JAM2: variants seen among roughly 807,000 people sequenced by gnomAD.
JAM2 encodes junctional adhesion molecule 2.
JAM2 carries 17 observed loss-of-function variants against 42.0 expected under a neutral mutation model. The ratio of observed to expected loss-of-function variants is 0.40; its 90% CI spans 0.28 to 0.61. The LOEUF (loss-of-function observed/expected upper bound fraction) is 0.61, where lower values mean the gene tolerates loss of function less well. JAM2 is among the 20% of genes least tolerant of loss of function. The pLI, the probability that JAM2 is intolerant of heterozygous loss-of-function variation, is 0.37. For missense variants in JAM2, 319 were observed against 358.3 expected, an observed-to-expected ratio of 0.89 and a Z score of 0.89; for synonymous variants, 118 against 128.6, an observed-to-expected ratio of 0.92 and a Z score of 0.56.
intron 1 of JAM2, among the ~76,000 whole-genome samples, chr21:25,662,376 C>T (rs1437489401): frequency 6.6e-6 from 1 of 151,852 alleles, no homozygotes; most frequent in Non-Finnish European, 1.5e-5. Context: ...TCTTGAAGCC[C>T]TGGGCTCAAA....
At chr21:25,656,365 G>A (rs1480080143) in intron 1 of JAM2, among the ~76,000 whole-genome samples, 4 of 152,112 alleles carry the variant, frequency 2.6e-5, no homozygotes, top group Non-Finnish European at 5.9e-5. Context: ...AAAATTGGCC[G>A]TAGTTTCTAA....
chr21:25,702,938 T>G (rs1002932400), intron 6 of JAM2, among the ~76,000 whole-genome samples: 2 of 152,106 alleles, frequency 1.3e-5, no homozygotes, highest in Non-Finnish European at 2.9e-5. Flanking sequence ...CTGCAACCTC[T>G]GCCTCCCAGG....
At chr21:25,665,659 G>T (rs984226881) in intron 1 of JAM2, among the ~76,000 whole-genome samples, 1 of 152,188 alleles carries the variant, frequency 6.6e-6, no homozygotes, top group Non-Finnish European at 1.5e-5. Flanking sequence ...CTGCTTGAGA[G>T]AAGTCAGTCT....
chr21:25,697,355 A>T (rs1050954286), intron 4 of JAM2, among the ~76,000 whole-genome samples: 1 of 152,172 alleles, frequency 6.6e-6, no homozygotes, highest in Non-Finnish European at 1.5e-5. Flanking sequence ...AAAAAAGTGT[A>T]TTTATACCAA....
At chr21:25,693,972 C>T (rs2033940799) in intron 4 of JAM2, 64 bp downstream of exon 4, 6 of 1,490,912 alleles carry the variant, frequency 4.0e-6, no homozygotes, top group Non-Finnish European at 4.6e-6. Context: ...GCCCTGGGGG[C>T]AAGCAAGCAC....
chr21:25,698,326 T>A (rs934797858), intron 4 of JAM2, among the ~76,000 whole-genome samples: 8 of 152,298 alleles, frequency 5.3e-5, no homozygotes, highest in Non-Finnish European at 1.0e-4. Flanking sequence ...GACACCTACT[T>A]GGTAGTTGCA....
chr21:25,676,298 A>G (rs555938447), intron 1 of JAM2, among the ~76,000 whole-genome samples: 21 of 145,040 alleles, frequency 1.4e-4, no homozygotes, highest in Non-Finnish European at 2.3e-4. Context: ...AAAAAAAAAA[A>G]AAAAAGAAAA....
intron 2 of JAM2, among the ~76,000 whole-genome samples, chr21:25,688,196 T>C (rs2033792455): frequency 6.6e-6 from 1 of 152,004 alleles, no homozygotes; most frequent in Admixed American, 6.6e-5. Flanking sequence ...ATAGAGGTTT[T>C]TCCACAGCGC....
chr21:25,660,460 T>A (rs576412988), intron 1 of JAM2, among the ~76,000 whole-genome samples: 34 of 152,192 alleles, frequency 2.2e-4, no homozygotes, highest in Admixed American at 4.6e-4. Flanking sequence ...TGAAATTTTA[T>A]GGGACCTATT....
chr21:25,703,152 T>C (rs111398591), intron 6 of JAM2, among the ~76,000 whole-genome samples: 23 of 152,208 alleles, frequency 1.5e-4, no homozygotes, highest in African/African-American at 5.5e-4. Flanking sequence ...GTACCCGGCC[T>C]GTCCTCATGG....
intron 7 of JAM2, among the ~76,000 whole-genome samples, chr21:25,708,565 CCAAA>C (rs899970110): frequency 1.3e-4 from 20 of 152,282 alleles, no homozygotes; most frequent in South Asian, 4.2e-4. Flanking sequence ...AAGACACTGA[CCAAA>C]CAAACAAACA....
At chr21:25,693,504 G>T (rs1037030162) in intron 3 of JAM2, among the ~76,000 whole-genome samples, 1 of 152,124 alleles carries the variant, frequency 6.6e-6, no homozygotes, top group African/African-American at 2.4e-5. Context: ...TGATCTACCG[G>T]CCTCGGCCTC....
chr21:25,694,557 C>T (rs141481083), intron 4 of JAM2, among the ~76,000 whole-genome samples: 2 of 152,114 alleles, frequency 1.3e-5, no homozygotes, highest in African/African-American at 4.8e-5. Context: ...AGATTAGGCA[C>T]AGGGGCTTAT....
At chr21:25,645,160 C>A (rs140108166) in intron 1 of JAM2, among the ~76,000 whole-genome samples, 1 of 152,168 alleles carries the variant, frequency 6.6e-6, no homozygotes, top group African/African-American at 2.4e-5. Context: ...GGATTACAGG[C>A]GTGAGCCACC....
intron 1 of JAM2, among the ~76,000 whole-genome samples, chr21:25,656,192 A>G (rs2032935477): frequency 6.6e-6 from 1 of 152,200 alleles, no homozygotes; most frequent in Non-Finnish European, 1.5e-5. Flanking sequence ...ATATAAAAAA[A>G]GAGTTGATTA....
chr21:25,660,945 C>A (rs1053084466), intron 1 of JAM2, among the ~76,000 whole-genome samples: 1 of 150,258 alleles, frequency 6.7e-6, no homozygotes, highest in Admixed American at 6.6e-5. Context: ...TAGAAACTTG[C>A]CACCACGCCC....
At chr21:25,661,221 G>A (rs539823072) in intron 1 of JAM2, among the ~76,000 whole-genome samples, 42 of 152,258 alleles carry the variant, frequency 2.8e-4, no homozygotes, top group Middle Eastern at 3.4e-3. Flanking sequence ...GGGAGGTGGA[G>A]ACAGAGGATC....
At chr21:25,642,473 C>T (rs1284725620) in intron 1 of JAM2, among the ~76,000 whole-genome samples, 1 of 152,126 alleles carries the variant, frequency 6.6e-6, no homozygotes, top group East Asian at 1.9e-4. Flanking sequence ...CCAGATGTAA[C>T]TGTGCCATTC....
intron 1 of JAM2, 68 bp downstream of exon 1, chr21:25,639,956 G>A: frequency 1.7e-6 from 2 of 1,162,244 alleles, no homozygotes; most frequent in Non-Finnish European, 2.4e-6. Flanking sequence ...AGCCCCCCAC[G>A]GGGCGCTGGC....
Sources: gnomAD v4.1 joint callset for allele counts (sites outside exome capture counted in the v4.1 genomes callset) on GRCh38, gnomAD v4.1.1 for gene constraint, MANE v1.5 for transcripts, NCBI Gene and HGNC (gene_info 2026-07-23, HGNC 2026-07-21) for gene names.